Variants in GBP2 observed in about 807,000 individuals in gnomAD.
GBP2 encodes the protein guanylate binding protein 2.
Under a neutral mutation model 60.8 loss-of-function variants are expected in GBP2, and 54 were observed. That is an observed-to-expected ratio of 0.89 (90% CI 0.71 to 1.11). GBP2 has a LOEUF of 1.11. Among genes scored for constraint, GBP2 ranks in the 50% most tolerant of loss-of-function variants. The pLI, the probability that GBP2 is intolerant of heterozygous loss-of-function variation, is 0.00. For missense variants in GBP2, 665 were observed against 703.3 expected, an observed-to-expected ratio of 0.95 and a Z score of 0.62; for synonymous variants, 243 against 256.5, an observed-to-expected ratio of 0.95 and a Z score of 0.50.
intron 8 of GBP2, among the ~76,000 whole-genome samples, chr1:89,110,811 A>T (rs1681150228): frequency 6.6e-6 from 1 of 152,222 alleles, no homozygotes; most frequent in South Asian, 2.1e-4. Flanking sequence ...TATTCATGTA[A>T]CCAAACACCA....
rs775842313 is a variant in GBP2, at chr1:89,121,950, T to G, written c.17A>C (p.Asn6Thr). Residue 6 changes from asparagine (N) to threonine (T), a missense_variant, in exon 2 of 11, where the codon AAC becomes ACC. By Grantham distance (65) the Asn-to-Thr change is moderately conservative. Coordinates refer to ENST00000370466, the MANE Select transcript of GBP2 (RefSeq NM_004120.5). ...AATGAGGCTCATTGGGCCCGGCAAGTTGATCTCTGGAGCCATGTCCAGGGT... is the reference window on the plus strand; with the variant it reads ...AATGAGGCTCATTGGGCCCGGCAAGGTGATCTCTGGAGCCATGTCCAGGGT... MAPEI[N>T]LPGPMSLIDN... 1.9e-6 allele frequency: 3 copies of G among 1,613,074 alleles called. No homozygotes were observed. Among genetic ancestry groups the G allele is most frequent in the Non-Finnish European group, 2.5e-6 (3 of 1,179,410 alleles).
chr1:89,115,319 A>C (rs1474286133), intron 6 of GBP2, among the ~76,000 whole-genome samples: 2 of 152,190 alleles, frequency 1.3e-5, no homozygotes, highest in Admixed American at 1.3e-4. Context: ...ATGCCCATTT[A>C]TGGCTCAACC....
intron 1 of GBP2, among the ~76,000 whole-genome samples, chr1:89,122,339 T>C (rs1372565836): frequency 6.6e-6 from 1 of 152,224 alleles, no homozygotes; most frequent in Non-Finnish European, 1.5e-5. Flanking sequence ...TTCCCACTAA[T>C]GTCCTTCTGC....
At chr1:89,120,072 G>T in intron 4 of GBP2, 107 bp downstream of exon 4, 2 of 731,034 alleles carry the variant, frequency 2.7e-6, no homozygotes, top group East Asian at 2.5e-5. Context: ...ATTAAAGAGA[G>T]GACTTATGAA....
At position 89,107,821 on chromosome 1, in the gene GBP2, A is replaced by G. The variant is rs572962804; in HGVS notation, c.*354T>C. On this transcript the variant is annotated 3_prime_UTR_variant, in exon 11 of 11. Transcript: ENST00000370466. ...ACTGAATATACAGTAAGGGTGGTGC[A>G]TATGAGAGAAAAAAATCTACCCAGA... Among the ~76,000 whole-genome samples, 4 of 152,238 alleles carry G rather than the reference A, an allele frequency of 2.6e-5. No individual in the cohort carries two copies. Among genetic ancestry groups the G allele is most frequent in the Non-Finnish European group, 5.9e-5 (4 of 68,038 alleles).
Position 89,107,832 on chromosome 1 carries a change from A to T in GBP2, c.*343T>A, listed in dbSNP as rs1009368704. The stretch of plus-strand genomic sequence containing the variant: ...AGTAAGGGTGGTGCATATGAGAGAA[A>T]AAAATCTACCCAGAACAGAAACTGC... On this transcript the variant is annotated 3_prime_UTR_variant, in exon 11 of 11. Coordinates refer to ENST00000370466, the MANE Select transcript of GBP2 (RefSeq NM_004120.5). 6.6e-6 allele frequency among the ~76,000 whole-genome samples: 1 copy of T among 152,234 alleles called. No homozygotes were observed. The highest frequency in any genetic ancestry group is 1.5e-5 in the Non-Finnish European group (1 of 68,036).
chr1:89,115,407 A>G (rs1681249251), intron 6 of GBP2, among the ~76,000 whole-genome samples: 1 of 152,192 alleles, frequency 6.6e-6, no homozygotes, highest in African/African-American at 2.4e-5. Flanking sequence ...TCAGAAAGAT[A>G]TGTATAAACA....
At chr1:89,118,042 G>A (rs1681316430) in intron 4 of GBP2, 1 of 259,246 alleles carries the variant, frequency 3.9e-6, no homozygotes, top group Non-Finnish European at 7.2e-6. Flanking sequence ...ACAATGAACA[G>A]GTAAACAAAA....
intron 6 of GBP2, among the ~76,000 whole-genome samples, chr1:89,116,135 G>T (rs1681267007): frequency 6.6e-6 from 1 of 151,870 alleles, no homozygotes; most frequent in South Asian, 2.1e-4. Context: ...GACTCAGCCA[G>T]CTGAGTAGCT....
Position 89,108,253 on chromosome 1 carries a change from C to G in GBP2, c.1698G>C (p.Glu566Asp). 1 of 1,613,558 alleles carries G rather than the reference C, an allele frequency of 6.2e-7. No homozygotes were observed. Among genetic ancestry groups the G allele is most frequent in the Non-Finnish European group, 8.5e-7 (1 of 1,179,672 alleles). ...ERLLKEGFENESKRLQKDIWD... is the reference protein window; with the variant it reads ...ERLLKEGFENDSKRLQKDIWD... The stretch of plus-strand genomic sequence containing the variant: ...ATATGTCTTTTTGAAGTCTCTTGCT[C>G]TCATTCTCGAATCCCTCCTTGAGAA... Residue 566 changes from glutamate (E) to aspartate (D), a missense_variant, in exon 11 of 11, where the codon GAG becomes GAC. By Grantham distance (45) the Glu-to-Asp change is conservative. Coordinates refer to ENST00000370466, the MANE Select transcript of GBP2 (RefSeq NM_004120.5).
In GBP2 at chr1:89,114,313, T is replaced by C; in HGVS notation, c.869-17A>G. On this transcript the variant is annotated splice_polypyrimidine_tract_variant and intron_variant, in intron 6 of 10. Coordinates refer to ENST00000370466, the MANE Select transcript of GBP2 (RefSeq NM_004120.5). ...TCTCTAGACCTGCAAAAGGGAATTT[T>C]TAAAAAAATGTGACTATCAGTTGGT... 6.2e-7 allele frequency: 1 copy of C among 1,605,876 alleles called. No homozygotes were observed.
In GBP2 at chr1:89,125,932, C is replaced by G. The variant is rs1170566848; in HGVS notation, c.-87G>C. ...GTGAAAGTCGAGTCCTTTTCCTCCT[C>G]TCTTTTCTTCCGAGTTTGGCTGCAC... On this transcript the variant is annotated 5_prime_UTR_variant, in exon 1 of 11. Coordinates refer to ENST00000370466, the MANE Select transcript of GBP2 (RefSeq NM_004120.5). 6 of 152,318 alleles carry G rather than the reference C, an allele frequency of 3.9e-5. No homozygotes were observed. Among genetic ancestry groups the G allele is most frequent in the Admixed American group, 1.3e-4 (2 of 15,290 alleles). The allele number at this position is 152,318 out of a possible 1,614,324, so 9.4% of individuals were successfully genotyped here. A position where few individuals can be genotyped will look rare whatever the true frequency, so the allele number is the denominator to read the frequency against.
At chr1:89,110,411 G>A (rs768991827) in intron 8 of GBP2, 145 bp from the exon 9 acceptor site, 98 of 637,836 alleles carry the variant, frequency 1.5e-4, no homozygotes, top group Non-Finnish European at 2.3e-4. Flanking sequence ...AGCACAATTC[G>A]CAATTGTAAA....
chr1:89,125,482 T>C (rs1681499802), intron 1 of GBP2, among the ~76,000 whole-genome samples: 1 of 152,134 alleles, frequency 6.6e-6, no homozygotes, highest in African/African-American at 2.4e-5. Flanking sequence ...CTGTATAAGC[T>C]CCCTAATTAT....
At position 89,114,277 on chromosome 1, in the gene GBP2, C is replaced by T. The variant is rs1570318671; in HGVS notation, c.888G>A (p.Leu296=). The T allele has an allele frequency of 6.2e-7, 1 of 1,614,204 alleles. No homozygotes were observed. The highest frequency in any genetic ancestry group is 1.3e-5 in the African/African-American group (1 of 75,062). ...VNGPRLESLV[L]TYVNAISSGD... ...CACTGCTGATGGCATTGACGTAGGTCAGCACCAGGCTCTCTAGACCTGCAA... is the reference window on the plus strand; with the variant it reads ...CACTGCTGATGGCATTGACGTAGGTTAGCACCAGGCTCTCTAGACCTGCAA... Residue 296 remains leucine (L), a synonymous_variant, in exon 7 of 11, where the codon CTG becomes CTA. Coordinates refer to ENST00000370466, the MANE Select transcript of GBP2 (RefSeq NM_004120.5).
chr1:89,117,035 G>A lies in GBP2; in HGVS notation c.825C>T (p.Ser275=). The stretch of plus-strand genomic sequence containing the variant: ...TGCCACCTGAAAGAGTCTTGACATT[G>A]GAATGGCTGAGGATGTAGGAACAAA... ...AEFCSYILSH[S]NVKTLSGGIP... is the part of the protein sequence containing the mutation. Residue 275 remains serine, a synonymous_variant, in exon 6 of 11, where the codon TCC becomes TCT. Coordinates refer to ENST00000370466, the MANE Select transcript of GBP2 (RefSeq NM_004120.5). 6.2e-7 allele frequency: 1 copy of A among 1,613,980 alleles called. No individual in the cohort carries two copies. Among genetic ancestry groups the A allele is most frequent in the Non-Finnish European group, 8.5e-7 (1 of 1,179,892 alleles).
rs1389999067 is a variant in GBP2 at position 89,106,684 on chromosome 1, G to C, written c.*1491C>G. The C allele has an allele frequency of 6.6e-6, 1 of 152,162 alleles. No individual in the cohort carries two copies. Among genetic ancestry groups the C allele is most frequent in the Admixed American group, 6.5e-5 (1 of 15,278 alleles). The allele number at this position is 152,162 out of a possible 1,614,324, so 9.4% of individuals were successfully genotyped here. On this transcript the variant is annotated 3_prime_UTR_variant, in exon 11 of 11. Coordinates refer to ENST00000370466, the MANE Select transcript of GBP2 (RefSeq NM_004120.5). ...TACAGGAAAATTTCCCACGTTATTA[G>C]TTTCTTCCTCCAAAAGTAGAAGACA...
chr1:89,123,150 A>G (rs1035168325), intron 1 of GBP2, among the ~76,000 whole-genome samples: 9 of 152,148 alleles, frequency 5.9e-5, no homozygotes, highest in African/African-American at 1.9e-4. Flanking sequence ...TGACATTACA[A>G]TATATGCCAG....
In GBP2 at chr1:89,114,102, G is replaced by C. The variant is rs200181336; in HGVS notation, c.1063C>G (p.His355Asp). 3 of 1,614,146 alleles carry C rather than the reference G, an allele frequency of 1.9e-6. No individual in the cohort carries two copies. Residue 355 changes from histidine to aspartate, a missense_variant, in exon 7 of 11, where the codon CAC becomes GAC. Transcript: ENST00000370466. ...TETLQELLDL[H>D]RDSEREAIEV... ...ATGGCCTCTCTCTCACTGTCCCTGT[G>C]CAGGTCCAGCAGCTCCTGGAGGGTT...
Sources: gnomAD v4.1 joint callset for allele counts (sites outside exome capture counted in the v4.1 genomes callset) on GRCh38, gnomAD v4.1.1 for gene constraint, MANE v1.5 for transcripts, NCBI Gene and HGNC (gene_info 2026-07-23, HGNC 2026-07-21) for gene names.